DNAJB6: variants seen among roughly 807,000 people sequenced by gnomAD.
The protein encoded by DNAJB6 is dnaJ homolog subfamily B member 6.
DNAJB6 carries 16 observed loss-of-function variants against 42.7 expected under a neutral mutation model. The observed-to-expected ratio is 0.37, with a 90% CI of 0.25 to 0.57. The LOEUF is 0.57. DNAJB6 is among the 20% of genes least tolerant of loss of function. DNAJB6 has a pLI of 0.74. For missense variants in DNAJB6, 347 were observed against 416.8 expected (o/e 0.83, Z 1.46); for synonymous variants, 170 against 163.5 (o/e 1.04, Z -0.30).
intron 5 of DNAJB6, chr7:157,369,269 A>G (rs1463561594): frequency 6.6e-6 from 3 of 456,642 alleles, no homozygotes; most frequent in African/African-American, 6.0e-5. Flanking sequence ...ATATTTCTCT[A>G]AGAAAAATAA....
intron 9 of DNAJB6, chr7:157,410,643 AG>A (rs1795941576): frequency 6.6e-6 from 1 of 151,464 alleles, no homozygotes; most frequent in Non-Finnish European, 1.4e-5. Flanking sequence ...CCTAAAGCCC[AG>A]GGTCCATGTA....
chr7:157,405,954 G>A (rs927466434), intron 8 of DNAJB6, among the ~76,000 whole-genome samples: 2 of 152,262 alleles, frequency 1.3e-5, no homozygotes, highest in African/African-American at 4.8e-5. Flanking sequence ...TTAGAACCTT[G>A]GAGGTGATGG....
intron 6 of DNAJB6, among the ~76,000 whole-genome samples, chr7:157,384,663 A>C (rs576639169): frequency 1.3e-5 from 2 of 152,280 alleles, no homozygotes; most frequent in East Asian, 3.9e-4. Context: ...GTTGCCCTAG[A>C]GTCCCCACTC....
chr7:157,357,629 GT>G lies in DNAJB6; in HGVS notation c.-26-914del, dbSNP rs1267875434. Among the ~76,000 whole-genome samples the G allele has an allele frequency of 9.9e-5, 15 of 151,974 alleles. 1 individual carries two copies. Among genetic ancestry groups the G allele is most frequent in the Admixed American group, 9.8e-4 (15 of 15,244 alleles). On this transcript the variant is annotated intron_variant, in intron 1 of 9. Transcript: ENST00000262177. ...CCGGCTGTGCAGATTCTTGATTGTTGTTTTAAAAGAGTAGGTTAGCCAGTCA... is the reference window on the plus strand; with the variant it reads ...CCGGCTGTGCAGATTCTTGATTGTTGTTTAAAAGAGTAGGTTAGCCAGTCA...
intron 5 of DNAJB6, among the ~76,000 whole-genome samples, chr7:157,377,579 G>GGA (rs1800535417): frequency 6.6e-6 from 1 of 152,182 alleles, no homozygotes; most frequent in African/African-American, 2.4e-5. Flanking sequence ...AAATCTGTCA[G>GGA]GACTGGAGCA....
At chr7:157,378,230 T>C (rs940152928) in intron 5 of DNAJB6, 1 of 152,238 alleles carries the variant, frequency 6.6e-6, no homozygotes, top group African/African-American at 2.4e-5. Flanking sequence ...TCACTGGTTG[T>C]GGTTCTTTCT....
intron 3 of DNAJB6, among the ~76,000 whole-genome samples, chr7:157,365,095 G>A (rs12674051): frequency 0.082 from 12,556 of 152,284 alleles, 631 homozygotes; most frequent in East Asian, 0.19. Flanking sequence ...GGGACCACGG[G>A]TGGGTGCCAC....
intron 8 of DNAJB6, among the ~76,000 whole-genome samples, chr7:157,403,300 G>A (rs535030620): frequency 1.1e-3 from 163 of 152,250 alleles, no homozygotes; most frequent in South Asian, 2.9e-3. Context: ...CGTTTGTTTC[G>A]GGGGAGCAGA....
intron 8 of DNAJB6, among the ~76,000 whole-genome samples, chr7:157,403,500 C>A (rs1446169448): frequency 1.3e-5 from 2 of 152,162 alleles, no homozygotes; most frequent in Non-Finnish European, 2.9e-5. Context: ...TTGTCTCATT[C>A]CTGCTGCCCA....
At chr7:157,357,240 TTC>T (rs1799333454) in intron 1 of DNAJB6, among the ~76,000 whole-genome samples, 1 of 80,822 alleles carries the variant, frequency 1.2e-5, no homozygotes, top group Non-Finnish European at 2.7e-5. Context: ...CCTTCCTTCC[TTC>T]CTTCCTTCCT....
At chr7:157,370,625 C>T (rs1800161787) in intron 5 of DNAJB6, 1 of 152,468 alleles carries the variant, frequency 6.6e-6, no homozygotes, top group East Asian at 1.9e-4. Context: ...ACCCCTAGTC[C>T]AAGGAGAGAG....
intron 6 of DNAJB6, 34 bp downstream of exon 6, chr7:157,382,411 TAAC>T (rs1800831892): frequency 5.7e-6 from 9 of 1,584,922 alleles, no homozygotes; most frequent in Non-Finnish European, 7.7e-6. Flanking sequence ...TCTGTTATCT[TAAC>T]AGCAGTTAGT....
chr7:157,355,423 G>A (rs1204671315), intron 1 of DNAJB6, among the ~76,000 whole-genome samples: 6 of 152,206 alleles, frequency 3.9e-5, no homozygotes, highest in African/African-American at 1.2e-4. Flanking sequence ...GCCTCCCAAA[G>A]TGGTGGGATT....
chr7:157,384,344 G>A (rs748413040), intron 6 of DNAJB6, among the ~76,000 whole-genome samples: 1 of 152,170 alleles, frequency 6.6e-6, no homozygotes, highest in Admixed American at 6.5e-5. Context: ...AAAGAGGAGG[G>A]AAGCCGATTA....
At chr7:157,364,577 G>T (rs1292429756) in intron 3 of DNAJB6, among the ~76,000 whole-genome samples, 4 of 152,138 alleles carry the variant, frequency 2.6e-5, no homozygotes, top group South Asian at 4.2e-4. Flanking sequence ...CCTTAGATTT[G>T]TGCGCTGGGA....
chr7:157,384,737 T>TG, intron 6 of DNAJB6, 130 bp from the exon 7 acceptor site: 1 of 858,898 alleles, frequency 1.2e-6, no homozygotes, highest in Non-Finnish European at 1.8e-6. Context: ...CCTTGATAGT[T>TG]GCGTCGTTTA....
chr7:157,404,108 A>G (rs907078130), intron 8 of DNAJB6, among the ~76,000 whole-genome samples: 3 of 151,014 alleles, frequency 2.0e-5, no homozygotes, highest in Admixed American at 6.6e-5. Context: ...CTTAGACTAC[A>G]GGCATGCACC....
At chr7:157,390,498 G>C (rs755336505) in intron 8 of DNAJB6, among the ~76,000 whole-genome samples, 1 of 152,198 alleles carries the variant, frequency 6.6e-6, no homozygotes, top group Non-Finnish European at 1.5e-5. Flanking sequence ...TTCAGGCACT[G>C]ATGGGAAATC....
chr7:157,342,099 C>T (rs542379369), intron 1 of DNAJB6, among the ~76,000 whole-genome samples: 2 of 152,080 alleles, frequency 1.3e-5, no homozygotes, highest in East Asian at 1.9e-4. Context: ...AGCAGGTGAT[C>T]CACCTGCTTT....
Sources: gnomAD v4.1 joint callset for allele counts (sites outside exome capture counted in the v4.1 genomes callset) on GRCh38, gnomAD v4.1.1 for gene constraint, MANE v1.5 for transcripts, NCBI Gene and HGNC (gene_info 2026-07-23, HGNC 2026-07-21) for gene names.